CFAP74: variants seen among roughly 807,000 people sequenced by gnomAD.
CFAP74 encodes cilia- and flagella-associated protein 74.
In CFAP74, 124 loss-of-function variants were observed where a neutral mutation model predicts 188.9. The observed-to-expected ratio is 0.66, with a 90% confidence interval of 0.57 to 0.76. CFAP74 has a LOEUF of 0.76. Ranked by LOEUF, CFAP74 falls within the 30% of genes least tolerant of loss-of-function variation. The pLI, the probability that CFAP74 is intolerant of heterozygous loss-of-function variation, is 0.00. For synonymous variants in CFAP74, 956 were observed against 916.7 expected, an observed-to-expected ratio of 1.04 and a Z score of -0.77; for missense variants, 2,198 against 2,165.2, an observed-to-expected ratio of 1.02 and a Z score of -0.30.
chr1:1,978,781 C>G (rs1185249857), intron 6 of CFAP74, among the ~76,000 whole-genome samples: 5 of 152,222 alleles, frequency 3.3e-5, no homozygotes, highest in African/African-American at 1.2e-4. Context: ...GTGGATTTGT[C>G]ACTGCAGCGA....
Position 1,991,062 on chromosome 1 carries a change from A to G in CFAP74, c.-19-87T>C, listed in dbSNP as rs370560248. 3.2e-5 allele frequency: 29 copies of G among 899,948 alleles called. No homozygotes were observed. In the African/African-American group the frequency reaches 4.9e-4, roughly 15 times the overall value. 55.7% of individuals were successfully genotyped at this position (899,948 alleles called of 1,614,324 possible). A position where few individuals can be genotyped will look rare whatever the true frequency, so the allele number is the denominator to read the frequency against. On this transcript the variant is annotated intron_variant, in intron 1 of 38. Coordinates refer to ENST00000682832, the MANE Select transcript of CFAP74 (RefSeq NM_001304360.2). ...AACCATTTCTCTTAAAGAAGGCATT[A>G]AGAAAACAAACGACAGATTAGGAAA...
chr1:1,939,238 G>A (rs1653184378), intron 24 of CFAP74, among the ~76,000 whole-genome samples: 1 of 152,248 alleles, frequency 6.6e-6, no homozygotes, highest in Admixed American at 6.5e-5. Context: ...TGGGGGGAGA[G>A]AGAGGGAGGA....
chr1:1,940,368 T>C lies in CFAP74; in HGVS notation c.2651A>G (p.Asp884Gly). The C allele has an allele frequency of 1.3e-6, 2 of 1,535,428 alleles. No homozygotes were observed. Among genetic ancestry groups the C allele is most frequent in the Non-Finnish European group, 8.7e-7 (1 of 1,146,546 alleles). Residue 884 changes from aspartate (D) to glycine (G), a missense_variant, in exon 23 of 39, where the codon GAC (aspartate) becomes GGC (glycine). By Grantham distance (94) the Asp-to-Gly change is moderately conservative. Coordinates refer to ENST00000682832, the MANE Select transcript of CFAP74 (RefSeq NM_001304360.2). ...SLPEDAGRYF[D>G]KETRVLEAPM... is the part of the protein sequence containing the mutation. ...GGCCTCCAGGACTCGGGTCTCCTTG[T>C]CAAAATACCTCCCTGCGTCCTCCGG...
intron 18 of CFAP74, among the ~76,000 whole-genome samples, chr1:1,948,910 CCTTCCCTTT>C (rs1653979370): frequency 7.1e-6 from 1 of 139,972 alleles, no homozygotes; most frequent in Non-Finnish European, 1.6e-5. Context: ...TCCCTTCCTT[CCTTCCCTTT>C]CCTTCCTTCC....
chr1:1,948,283 G>A (rs1236812147), intron 18 of CFAP74, among the ~76,000 whole-genome samples: 1 of 151,974 alleles, frequency 6.6e-6, no homozygotes, highest in African/African-American at 2.4e-5. Context: ...GCAGCTTTTT[G>A]GTTTTTAGAG....
At chr1:1,925,676 C>A in intron 33 of CFAP74, 107 bp downstream of exon 33, 3 of 1,274,546 alleles carry the variant, frequency 2.4e-6, no homozygotes, top group Middle Eastern at 2.5e-4. Context: ...TGTGTCCCCA[C>A]GGGCTCTCCG....
intron 28 of CFAP74, 136 bp from the exon 29 acceptor site, chr1:1,927,164 A>C (rs889456884): frequency 1.4e-5 from 15 of 1,054,212 alleles, no homozygotes; most frequent in Non-Finnish European, 2.0e-5. Context: ...GTGTCTGACA[A>C]ACTGGCTTTT....
chr1:1,973,832 G>GGGGAGT lies in CFAP74; in HGVS notation c.674+187_674+192dup. ...AGGGCTGGGGCTCTGGGCAGGTGCA[G>GGGGAGT]GGGAGTGCCTGACACTTGGGAAGGA... On this transcript the variant is annotated intron_variant, in intron 7 of 38. Coordinates refer to ENST00000682832, the MANE Select transcript of CFAP74 (RefSeq NM_001304360.2). This position sits in a 1 kb window ranked among gnomAD's most constrained non-coding sequence, Gnocchi z 6.2. Among the ~76,000 whole-genome samples, 1 of 152,116 alleles carries GGGGAGT rather than the reference G, an allele frequency of 6.6e-6. No homozygotes were observed. The highest frequency in any genetic ancestry group is 2.1e-4 in the South Asian group (1 of 4,804).
intron 10 of CFAP74, 100 bp downstream of exon 10, chr1:1,970,559 A>T: frequency 1.5e-6 from 2 of 1,329,146 alleles, no homozygotes; most frequent in Non-Finnish European, 2.0e-6. Context: ...CCTGGGAGAG[A>T]GAGCAGCTTT....
At chr1:1,954,722 G>T in intron 18 of CFAP74, 1 of 876,948 alleles carries the variant, frequency 1.1e-6, no homozygotes, top group Non-Finnish European at 1.4e-6. Flanking sequence ...GGTCGAGGCT[G>T]CAGTGAGCTG....
chr1:1,972,831 G>T, intron 8 of CFAP74, 106 bp downstream of exon 8: 3 of 820,414 alleles, frequency 3.7e-6, no homozygotes, highest in East Asian at 2.7e-5. Context: ...GACAGAGCAA[G>T]GCTCCATCTT....
intron 11 of CFAP74, among the ~76,000 whole-genome samples, chr1:1,967,473 A>G (rs989136670): frequency 6.6e-6 from 1 of 152,120 alleles, no homozygotes; most frequent in Non-Finnish European, 1.5e-5. Flanking sequence ...CTCTGGAGCA[A>G]GGAGGCGCAG....
chr1:1,948,896 TCCTTC>T (rs1653973523), intron 18 of CFAP74, among the ~76,000 whole-genome samples: 1 of 83,048 alleles, frequency 1.2e-5, no homozygotes, highest in Non-Finnish European at 2.5e-5. Flanking sequence ...CTTCCCTCCC[TCCTTC>T]CCTTCCTTCC....
Position 1,968,861 on chromosome 1 carries a change from G to A in CFAP74, c.1047-28C>T. 6.2e-7 allele frequency: 1 copy of A among 1,607,992 alleles called. No individual in the cohort carries two copies. The highest frequency in any genetic ancestry group is 8.5e-7 in the Non-Finnish European group (1 of 1,176,358). On this transcript the variant is annotated intron_variant, in intron 10 of 38. Coordinates refer to ENST00000682832, the MANE Select transcript of CFAP74 (RefSeq NM_001304360.2). This position sits in a 1 kb window ranked among gnomAD's most constrained non-coding sequence, Gnocchi z 4.3. ...GCGTGGAGTCGCTTCTCAGATGAGT[G>A]CAAGAGGTCCCCTGCCTCCACCTTG...
chr1:1,971,467 T>G lies in CFAP74; in HGVS notation c.888+513A>C, dbSNP rs74223885. 5.8e-3 allele frequency among the ~76,000 whole-genome samples: 876 copies of G among 152,320 alleles called. 22 individuals are homozygous for G. The East Asian group carries it at 0.086, about 15-fold the overall frequency. ...CACACATGCTCACACACTGGGCCGT[T>G]GAACAGATGTCCTTAAACCAATGTT... On this transcript the variant is annotated intron_variant, in intron 9 of 38. Transcript: ENST00000682832.
chr1:1,958,609 A>G (rs2102064192), intron 16 of CFAP74, among the ~76,000 whole-genome samples: 1 of 151,192 alleles, frequency 6.6e-6, no homozygotes, highest in African/African-American at 2.5e-5. Flanking sequence ...TGGAGTGTTG[A>G]CATTTTACTA....
intron 19 of CFAP74, 128 bp from the exon 20 acceptor site, chr1:1,946,567 T>C (rs889623724): frequency 8.6e-7 from 1 of 1,162,598 alleles, no homozygotes; most frequent in African/African-American, 1.6e-5. Flanking sequence ...GGTGGCCACT[T>C]GGCCACAGAT....
intron 10 of CFAP74, among the ~76,000 whole-genome samples, chr1:1,969,205 GCC>G (rs1655719245): frequency 1.0e-5 from 1 of 100,414 alleles, no homozygotes; most frequent in Admixed American, 1.1e-4. Context: ...GCCCAGCCCA[GCC>G]TAGCCCTGCC....
intron 18 of CFAP74, among the ~76,000 whole-genome samples, chr1:1,948,412 A>AATATATATATATATAT (rs56005703): frequency 1.2e-4 from 17 of 144,406 alleles, no homozygotes; most frequent in African/African-American, 3.3e-4. Flanking sequence ...GGCATATATA[A>AATATATATATATATAT]ATATATATAT....
Sources: gnomAD v4.1 joint callset for allele counts (sites outside exome capture counted in the v4.1 genomes callset) on GRCh38, gnomAD v4.1.1 for gene constraint, Gnocchi (gnomAD v3.1) non-coding constraint, MANE v1.5 for transcripts, NCBI Gene and HGNC (gene_info 2026-07-23, HGNC 2026-07-21) for gene names.